The following CNTNAP2 variants were observed in gnomAD, a reference collection of about 807,000 sequenced individuals.
CNTNAP2 encodes contactin-associated protein-like 2.
In CNTNAP2, 98 loss-of-function variants were observed where a neutral mutation model predicts 155.2. The ratio of observed to expected loss-of-function variants is 0.63; its 90% CI spans 0.54 to 0.75. The LOEUF (loss-of-function observed/expected upper bound fraction) is 0.75, where lower values mean the gene tolerates loss of function less well. Among genes scored for constraint, CNTNAP2 ranks in the 30% least tolerant of loss-of-function variants. The pLI is 0.00. For synonymous variants in CNTNAP2, 651 were observed against 631.2 expected (o/e 1.03, Z -0.47); for missense variants, 1,727 against 1,688.1 (o/e 1.02, Z -0.40).
At chr7:146,816,679 G>A (rs930621759) in intron 2 of CNTNAP2, among the ~76,000 whole-genome samples, 2 of 152,272 alleles carry the variant, frequency 1.3e-5, no homozygotes, top group African/African-American at 2.4e-5. Flanking sequence ...CAGTAGGATA[G>A]ACTGCTTGCT....
intron 8 of CNTNAP2, among the ~76,000 whole-genome samples, chr7:147,135,154 T>C (rs925710182): frequency 1.3e-5 from 2 of 151,916 alleles, no homozygotes; most frequent in Non-Finnish European, 2.9e-5. Flanking sequence ...AAATAATGTT[T>C]AATATATTGT....
chr7:148,285,437 G>A (rs7776868), intron 21 of CNTNAP2, among the ~76,000 whole-genome samples: 56,304 of 152,142 alleles, frequency 0.37, 11,184 homozygotes, highest in East Asian at 0.6. Context: ...ACACAGAAGT[G>A]AGCCTTATTC....
intron 13 of CNTNAP2, among the ~76,000 whole-genome samples, chr7:147,783,419 T>C (rs1174869802): frequency 6.6e-6 from 1 of 152,186 alleles, no homozygotes. Context: ...TACCCAAGCC[T>C]CTGGGCTGTT....
At chr7:147,248,964 T>A (rs973890570) in intron 8 of CNTNAP2, among the ~76,000 whole-genome samples, 3 of 152,082 alleles carry the variant, frequency 2.0e-5, no homozygotes, top group African/African-American at 7.2e-5. Context: ...AATGGTCCAC[T>A]GATCTATGGG....
intron 13 of CNTNAP2, among the ~76,000 whole-genome samples, chr7:147,655,407 G>C (rs1795510983): frequency 1.3e-5 from 2 of 152,214 alleles, no homozygotes; most frequent in Non-Finnish European, 2.9e-5. Context: ...ACAGGCGTGA[G>C]CCACCGCGCC....
rs140196032 is a variant in CNTNAP2 at position 147,938,142 on chromosome 7, T to G, written c.2255+34421T>G. On this transcript the variant is annotated intron_variant, in intron 14 of 23. Transcript: ENST00000361727. ...ATTTTATTTCCACAACACCATTCACTGCGTAGAGATAAGAACTGTGAGCTG... is the reference window on the plus strand; with the variant it reads ...ATTTTATTTCCACAACACCATTCACGGCGTAGAGATAAGAACTGTGAGCTG... 7.1e-3 allele frequency among the ~76,000 whole-genome samples: 1,083 copies of G among 152,324 alleles called. 9 individuals are homozygous for G. The highest frequency in any genetic ancestry group is 9.4e-3 in the Non-Finnish European group (642 of 68,028).
At chr7:147,405,379 G>A (rs150796425) in intron 10 of CNTNAP2, among the ~76,000 whole-genome samples, 3 of 152,150 alleles carry the variant, frequency 2.0e-5, no homozygotes, top group African/African-American at 7.2e-5. Flanking sequence ...TTGCAGTTAC[G>A]ATTTCACACT....
chr7:147,922,009 G>C (rs1187645030), intron 14 of CNTNAP2, among the ~76,000 whole-genome samples: 1 of 152,164 alleles, frequency 6.6e-6, no homozygotes, highest in Non-Finnish European at 1.5e-5. Context: ...AAATTGTTAA[G>C]AATGATTCTG....
intron 13 of CNTNAP2, among the ~76,000 whole-genome samples, chr7:147,780,708 G>C (rs1444067677): frequency 1.3e-5 from 2 of 152,120 alleles, no homozygotes; most frequent in Non-Finnish European, 2.9e-5. Context: ...TTCCCCTTTT[G>C]ACGCTTTTCT....
chr7:146,203,086 A>C (rs1178047362), intron 1 of CNTNAP2, among the ~76,000 whole-genome samples: 2 of 152,310 alleles, frequency 1.3e-5, no homozygotes, highest in South Asian at 4.1e-4. Flanking sequence ...CTTACATCAC[A>C]ACAATCAACA....
At chr7:148,047,751 G>A (rs988729719) in intron 15 of CNTNAP2, among the ~76,000 whole-genome samples, 1 of 152,150 alleles carries the variant, frequency 6.6e-6, no homozygotes, top group Non-Finnish European at 1.5e-5. Flanking sequence ...GTATAGATTT[G>A]GGGATTACAA....
intron 8 of CNTNAP2, among the ~76,000 whole-genome samples, chr7:147,221,126 G>A (rs1803390449): frequency 7.5e-6 from 1 of 133,958 alleles, no homozygotes; most frequent in African/African-American, 2.8e-5. Context: ...GGTAGTGTGA[G>A]TAACTTATAA....
At chr7:148,056,389 C>G (rs1315540088) in intron 15 of CNTNAP2, 1 of 152,208 alleles carries the variant, frequency 6.6e-6, no homozygotes. Context: ...GTTTCTATCA[C>G]TTTCTGACCC....
intron 9 of CNTNAP2, among the ~76,000 whole-genome samples, chr7:147,352,691 C>A (rs1795987028): frequency 6.6e-6 from 1 of 151,888 alleles, no homozygotes; most frequent in African/African-American, 2.4e-5. Flanking sequence ...TGGTAGAATT[C>A]TCATTGTTAA....
At chr7:146,545,569 C>T (rs917046342) in intron 1 of CNTNAP2, among the ~76,000 whole-genome samples, 3 of 151,796 alleles carry the variant, frequency 2.0e-5, no homozygotes, top group Non-Finnish European at 4.4e-5. Context: ...CCAACTCCCA[C>T]TTATGAGTGA....
chr7:146,387,126 A>G (rs570799021), intron 1 of CNTNAP2, among the ~76,000 whole-genome samples: 1 of 152,332 alleles, frequency 6.6e-6, no homozygotes, highest in East Asian at 1.9e-4. Flanking sequence ...TTGAAGCTGT[A>G]ATTTACCAGC....
intron 8 of CNTNAP2, among the ~76,000 whole-genome samples, chr7:147,171,720 C>T (rs7789038): frequency 0.11 from 16,303 of 152,036 alleles, 892 homozygotes; most frequent in Non-Finnish European, 0.13. Context: ...ATGTAAATTA[C>T]CTTATATATT....
At chr7:147,238,838 G>A (rs1390723) in intron 8 of CNTNAP2, among the ~76,000 whole-genome samples, 122,678 of 152,174 alleles carry the variant, frequency 0.81, 50,150 homozygotes, top group African/African-American at 0.95. Context: ...CAATTGCTAT[G>A]AAAGCATCAT....
intron 16 of CNTNAP2, among the ~76,000 whole-genome samples, chr7:148,132,855 T>C (rs1255485611): frequency 6.6e-6 from 1 of 152,214 alleles, no homozygotes; most frequent in Non-Finnish European, 1.5e-5. Flanking sequence ...TCCAGCCACT[T>C]CTCTCCACTC....
Sources: allele counts gnomAD v4.1 joint callset (sites outside exome capture counted in the v4.1 genomes callset), GRCh38; gene constraint gnomAD v4.1.1; transcripts MANE v1.5; gene names NCBI Gene and HGNC (gene_info 2026-07-23, HGNC 2026-07-21).